Variants in TNIK observed in about 807,000 individuals in gnomAD.
TNIK encodes TRAF2 and NCK interacting kinase.
In TNIK, 49 loss-of-function variants were observed where a neutral mutation model predicts 191.3. The observed-to-expected ratio is 0.26, with a 90% CI of 0.20 to 0.32. TNIK has a LOEUF of 0.32. Ranked by LOEUF, TNIK falls within the 10% of genes least tolerant of loss-of-function variation. The pLI is 1.00. For synonymous variants in TNIK, 594 were observed against 600.9 expected, an observed-to-expected ratio of 0.99 and a Z score of 0.17; for missense variants, 1,155 against 1,702.3, an observed-to-expected ratio of 0.68 and a Z score of 5.66.
At chr3:171,444,529 G>A (rs1461962046) in intron 1 of TNIK, among the ~76,000 whole-genome samples, 7 of 148,862 alleles carry the variant, frequency 4.7e-5, no homozygotes, top group Non-Finnish European at 8.9e-5. Context: ...GATGCATCTT[G>A]TTGATCAAGG....
At chr3:171,292,854 ACTCT>A (rs1310018790) in intron 2 of TNIK, among the ~76,000 whole-genome samples, 4 of 149,164 alleles carry the variant, frequency 2.7e-5, no homozygotes, top group Non-Finnish European at 5.9e-5. Flanking sequence ...TCCTTGTCTG[ACTCT>A]CTCCTTTCTG....
At chr3:171,080,294 T>C (rs949395068) in intron 27 of TNIK, among the ~76,000 whole-genome samples, 4 of 152,218 alleles carry the variant, frequency 2.6e-5, no homozygotes, top group Non-Finnish European at 2.9e-5. Flanking sequence ...AAACTTGATA[T>C]ACTCCATTTG....
intron 4 of TNIK, 85 bp downstream of exon 4, chr3:171,211,031 A>AT (rs11400262): frequency 0.27 from 420,587 of 1,544,450 alleles, 60,057 homozygotes; most frequent in East Asian, 0.48. Flanking sequence ...AGTTAATCAA[A>AT]TTTTGTCATG....
rs956916212 is a variant in TNIK at position 171,456,495 on chromosome 3, T to C, written c.57+3512A>G. On this transcript the variant is annotated intron_variant, in intron 1 of 32. Transcript: ENST00000436636. Reference sequence around the variant, plus strand: ...AATACAAAACATACACACAACTCTATAAACCTCACATGCAGAGCCATCTGA... The same window carrying C: ...AATACAAAACATACACACAACTCTACAAACCTCACATGCAGAGCCATCTGA... 2.6e-5 allele frequency among the ~76,000 whole-genome samples: 4 copies of C among 152,228 alleles called. No individual in the cohort carries two copies. In the South Asian group the frequency reaches 6.2e-4, roughly 24 times the overall value.
At chr3:171,200,338 C>A (rs1242463271) in intron 4 of TNIK, among the ~76,000 whole-genome samples, 1 of 152,176 alleles carries the variant, frequency 6.6e-6, no homozygotes, top group Non-Finnish European at 1.5e-5. Flanking sequence ...AAAAAAAGCA[C>A]AGTGTGGAGC....
Position 171,131,628 on chromosome 3 carries a change from T to C in TNIK, c.1609-2750A>G, listed in dbSNP as rs376644701. 3.6e-3 allele frequency among the ~76,000 whole-genome samples: 550 copies of C among 152,308 alleles called. 5 individuals carry two copies. Among genetic ancestry groups the C allele is most frequent in the Non-Finnish European group, 5.3e-3 (361 of 68,024 alleles). ...CTGAAATTTCCTGGGTTGAAGTTTG[T>C]CCAAAGAAAATTGAAAATCTAAGAA... On this transcript the variant is annotated intron_variant, in intron 15 of 32. Transcript: ENST00000436636.
intron 2 of TNIK, among the ~76,000 whole-genome samples, chr3:171,269,223 T>C (rs530656888): frequency 6.6e-6 from 1 of 151,228 alleles, no homozygotes; most frequent in Admixed American, 6.6e-5. Flanking sequence ...AGAGAGTAGC[T>C]AGTATAATGC....
chr3:171,392,886 T>A (rs1719750453), intron 1 of TNIK, among the ~76,000 whole-genome samples: 1 of 151,952 alleles, frequency 6.6e-6, no homozygotes, highest in Non-Finnish European at 1.5e-5. Flanking sequence ...TTCAACTATT[T>A]TCTGGGCAAA....
At chr3:171,110,932 A>C (rs1725762062) in intron 18 of TNIK, 55 bp from the exon 19 acceptor site, 7 of 1,484,880 alleles carry the variant, frequency 4.7e-6, no homozygotes, top group Non-Finnish European at 6.3e-6. Context: ...CCAGTTTTGC[A>C]GATCACATAT....
rs1455605290 is a variant in TNIK, at chr3:171,285,050, T to C, written c.124-56829A>G. ...GAGAACTAAGTTATCATAGCCCTGC[T>C]TTAAGATATTAGGTAAATACTTTTT... is the stretch of plus-strand genomic sequence containing the variant. On this transcript the variant is annotated intron_variant, in intron 2 of 32. Transcript: ENST00000436636. Among the ~76,000 whole-genome samples the C allele has an allele frequency of 1.2e-4, 19 of 152,238 alleles. 1 individual carries two copies. The highest frequency in any genetic ancestry group is 1.2e-3 in the Admixed American group (19 of 15,288).
intron 2 of TNIK, among the ~76,000 whole-genome samples, chr3:171,349,960 GA>G (rs1309943291): frequency 6.6e-6 from 1 of 152,114 alleles, no homozygotes; most frequent in Non-Finnish European, 1.5e-5. Context: ...AGTGGCCAAT[GA>G]AATCTTTCCC....
At chr3:171,371,517 T>C (rs1325896146) in intron 1 of TNIK, among the ~76,000 whole-genome samples, 1 of 152,202 alleles carries the variant, frequency 6.6e-6, no homozygotes, top group Non-Finnish European at 1.5e-5. Context: ...GCTCATGTCC[T>C]GAAAAATCCA....
intron 2 of TNIK, among the ~76,000 whole-genome samples, chr3:171,306,802 G>A (rs944254823): frequency 6.6e-6 from 1 of 152,052 alleles, no homozygotes; most frequent in East Asian, 1.9e-4. Flanking sequence ...GTGGTCAGAA[G>A]CAGCAATGAT....
chr3:171,375,172 G>A (rs1367436779), intron 1 of TNIK, among the ~76,000 whole-genome samples: 2 of 152,194 alleles, frequency 1.3e-5, no homozygotes, highest in African/African-American at 4.8e-5. Flanking sequence ...AATGAGAACT[G>A]TGAGTGTCTA....
At chr3:171,148,400 C>T (rs1208072838) in intron 12 of TNIK, among the ~76,000 whole-genome samples, 1 of 152,186 alleles carries the variant, frequency 6.6e-6, no homozygotes, top group Non-Finnish European at 1.5e-5. Context: ...CTCAGTTTCT[C>T]CTGGGAGAAC....
intron 2 of TNIK, among the ~76,000 whole-genome samples, chr3:171,327,435 C>T (rs1483086742): frequency 6.6e-6 from 1 of 152,184 alleles, no homozygotes. Flanking sequence ...CTGGTTCTAC[C>T]CAATAGCCTA....
intron 2 of TNIK, among the ~76,000 whole-genome samples, chr3:171,307,099 C>T (rs1456569773): frequency 6.6e-6 from 1 of 152,116 alleles, no homozygotes; most frequent in Admixed American, 6.6e-5. Flanking sequence ...AAACACTCAG[C>T]CCTAATACCA....
At chr3:171,091,718 G>A (rs1722078597) in intron 23 of TNIK, among the ~76,000 whole-genome samples, 1 of 151,908 alleles carries the variant, frequency 6.6e-6, no homozygotes, top group East Asian at 2.0e-4. Context: ...CTGGGTGACA[G>A]AGCGAGACTC....
intron 2 of TNIK, among the ~76,000 whole-genome samples, chr3:171,270,695 G>A (rs1293391768): frequency 6.6e-6 from 1 of 152,054 alleles, no homozygotes; most frequent in Non-Finnish European, 1.5e-5. Context: ...TTCCTGACAG[G>A]TATAGTTGTT....
Sources: allele counts gnomAD v4.1 joint callset (sites outside exome capture counted in the v4.1 genomes callset), GRCh38; gene constraint gnomAD v4.1.1; transcripts MANE v1.5; gene names NCBI Gene and HGNC (gene_info 2026-07-23, HGNC 2026-07-21).